Variants in KCNS3 observed in about 807,000 individuals in gnomAD.
KCNS3 encodes the protein delayed-rectifier potassium channel regulatory subunit KCNS3.
In KCNS3, 13 loss-of-function variants were observed where a neutral mutation model predicts 31.0. The observed-to-expected ratio is 0.42, with a 90% CI of 0.27 to 0.67. The LOEUF is 0.67. Ranked by LOEUF, KCNS3 falls within the 30% of genes least tolerant of loss-of-function variation. The pLI is 0.25. For missense variants in KCNS3, 545 were observed against 622.4 expected (o/e 0.88, Z 1.32); for synonymous variants, 238 against 241.5 (o/e 0.99, Z 0.13).
intron 1 of KCNS3, among the ~76,000 whole-genome samples, chr2:17,893,983 G>A (rs1272184220): frequency 7.3e-6 from 1 of 137,332 alleles, no homozygotes; most frequent in African/African-American, 2.9e-5. Context: ...TCTATGTATG[G>A]GGGTTTGAAG....
In KCNS3 at chr2:17,932,474, C is replaced by G; in HGVS notation, c.1466C>G (p.Thr489Arg). ...AACACCACCTCCTTGGAGAATTGCA[C>G]AGCAAAATGAGCGGGGGTGTTTGTG... ...ICNTTSLENC[T>R]AK is the part of the protein sequence containing the mutation. Residue 489 changes from threonine (T) to arginine (R), a missense_variant, in exon 3 of 3, where the codon ACA (threonine) becomes AGA (arginine). Coordinates refer to ENST00000304101, the MANE Select transcript of KCNS3 (RefSeq NM_002252.5). The G allele has an allele frequency of 6.2e-7, 1 of 1,609,048 alleles. No homozygotes were observed. Among genetic ancestry groups the G allele is most frequent in the Non-Finnish European group, 8.5e-7 (1 of 1,177,408 alleles).
intron 2 of KCNS3, among the ~76,000 whole-genome samples, chr2:17,927,109 T>G (rs1270922068): frequency 1.3e-5 from 2 of 152,176 alleles, no homozygotes; most frequent in African/African-American, 4.8e-5. Flanking sequence ...CTCTCTCAAG[T>G]TCAAAGTTCT....
At chr2:17,908,395 A>C (rs1572492325) in intron 1 of KCNS3, among the ~76,000 whole-genome samples, 1 of 152,102 alleles carries the variant, frequency 6.6e-6, no homozygotes, top group African/African-American at 2.4e-5. Flanking sequence ...CTTCTTTGCC[A>C]TGGGTTCGAA....
At chr2:17,895,278 G>A (rs553254692) in intron 1 of KCNS3, among the ~76,000 whole-genome samples, 9 of 152,128 alleles carry the variant, frequency 5.9e-5, no homozygotes, top group South Asian at 2.1e-4. Flanking sequence ...TAGACACTTC[G>A]CCCTCTGAGA....
chr2:17,930,581 G>T (rs901971855), intron 2 of KCNS3, among the ~76,000 whole-genome samples: 2 of 152,182 alleles, frequency 1.3e-5, no homozygotes, highest in Non-Finnish European at 2.9e-5. Flanking sequence ...AAGAGCTTGT[G>T]CTTGAATCTC....
chr2:17,894,202 G>A (rs550049912), intron 1 of KCNS3, among the ~76,000 whole-genome samples: 12 of 152,196 alleles, frequency 7.9e-5, no homozygotes, highest in African/African-American at 2.7e-4. Flanking sequence ...TTAGGTTTCA[G>A]ACTGCCCCAC....
chr2:17,903,243 G>T (rs1662229626), intron 1 of KCNS3, among the ~76,000 whole-genome samples: 1 of 152,168 alleles, frequency 6.6e-6, no homozygotes. Context: ...TGTGTCACAT[G>T]AAGTTCTAGG....
At chr2:17,883,625 CCAGGCTGAGGATT>C (rs1231410792) in intron 1 of KCNS3, among the ~76,000 whole-genome samples, 2 of 152,078 alleles carry the variant, frequency 1.3e-5, no homozygotes, top group Non-Finnish European at 2.9e-5. Flanking sequence ...AAAGATAATT[CCAGGCTGAGGATT>C]CTAAGGCAGG....
intron 2 of KCNS3, among the ~76,000 whole-genome samples, chr2:17,929,388 GGAGA>G (rs748406976): frequency 3.3e-5 from 5 of 152,148 alleles, no homozygotes; most frequent in South Asian, 4.2e-4. Context: ...TGGCAGAGCA[GGAGA>G]GAGAGAGAGT....
chr2:17,910,647 A>C (rs547427541), intron 1 of KCNS3, among the ~76,000 whole-genome samples: 1 of 151,118 alleles, frequency 6.6e-6, no homozygotes, highest in African/African-American at 2.4e-5. Flanking sequence ...TTTTTTTTTA[A>C]ATGTTCTAGG....
chr2:17,904,319 T>C (rs1662261655), intron 1 of KCNS3, among the ~76,000 whole-genome samples: 1 of 152,180 alleles, frequency 6.6e-6, no homozygotes, highest in African/African-American at 2.4e-5. Flanking sequence ...TGTTTTTTTC[T>C]TGTAAATTTG....
intron 1 of KCNS3, among the ~76,000 whole-genome samples, chr2:17,906,431 T>G (rs1662317636): frequency 6.6e-6 from 1 of 152,228 alleles, no homozygotes; most frequent in South Asian, 2.1e-4. Flanking sequence ...TCATTGATTT[T>G]TTGAAGGGTT....
At chr2:17,901,217 T>C (rs1662166735) in intron 1 of KCNS3, among the ~76,000 whole-genome samples, 1 of 151,908 alleles carries the variant, frequency 6.6e-6, no homozygotes, top group Admixed American at 6.6e-5. Flanking sequence ...AAGGAAGAAA[T>C]TGAGGGTAGG....
At chr2:17,913,571 A>G (rs1662520639) in intron 1 of KCNS3, among the ~76,000 whole-genome samples, 1 of 152,212 alleles carries the variant, frequency 6.6e-6, no homozygotes, top group Non-Finnish European at 1.5e-5. Context: ...TCATTTTTAA[A>G]GTTTTGGTTG....
In KCNS3 at chr2:17,921,911, GTGTGTATATATATATATATATATATATA is replaced by G. The variant is rs1259307295; in HGVS notation, c.-60+4042_-60+4069del. ...CTGATTTTCATATATATGTGTGTGT[GTGTGTATATATATATATATATATATATA>G]TATATATATATATATATATAAATAC... On this transcript the variant is annotated intron_variant, in intron 2 of 2. Coordinates refer to ENST00000304101, the MANE Select transcript of KCNS3 (RefSeq NM_002252.5). Among the ~76,000 whole-genome samples the G allele has an allele frequency of 2.2e-3, 219 of 100,420 alleles. 11 individuals are homozygous for G. The highest frequency in any genetic ancestry group is 4.4e-3 in the African/African-American group (109 of 24,758). The allele number at this position is 100,420 out of a possible 152,430, so 65.9% of individuals were successfully genotyped here.
intron 2 of KCNS3, among the ~76,000 whole-genome samples, chr2:17,921,943 A>G (rs1662723845): frequency 7.3e-6 from 1 of 136,648 alleles, no homozygotes; most frequent in Non-Finnish European, 1.6e-5. Flanking sequence ...ATATATATAT[A>G]TATATATATA....
chr2:17,930,903 T>C (rs1469886332), intron 2 of KCNS3, 47 bp from the exon 3 acceptor site: 1 of 1,331,120 alleles, frequency 7.5e-7, no homozygotes, highest in Non-Finnish European at 1.0e-6. Flanking sequence ...TAAGCTTGGC[T>C]GGGCACGGCA....
At chr2:17,886,297 A>T (rs1661653165) in intron 1 of KCNS3, among the ~76,000 whole-genome samples, 1 of 152,220 alleles carries the variant, frequency 6.6e-6, no homozygotes, top group Non-Finnish European at 1.5e-5. Flanking sequence ...CCTATGATTT[A>T]CTTGAGATAA....
chr2:17,906,244 G>A (rs1264414322), intron 1 of KCNS3, among the ~76,000 whole-genome samples: 1 of 152,226 alleles, frequency 6.6e-6, no homozygotes, highest in Admixed American at 6.5e-5. Flanking sequence ...TAGTTTATTT[G>A]CATAGAGATG....
Sources: gnomAD v4.1 joint callset for allele counts (sites outside exome capture counted in the v4.1 genomes callset) on GRCh38, gnomAD v4.1.1 for gene constraint, MANE v1.5 for transcripts, NCBI Gene and HGNC (gene_info 2026-07-23, HGNC 2026-07-21) for gene names.